SLC2A9: variants seen among roughly 807,000 people sequenced by gnomAD.
SLC2A9 encodes solute carrier family 2, facilitated glucose transporter member 9.
In SLC2A9, 39 loss-of-function variants were observed where a neutral mutation model predicts 50.6. That is an observed-to-expected ratio of 0.77 (90% CI 0.60 to 1.01). The LOEUF (loss-of-function observed/expected upper bound fraction) is 1.01, where lower values mean the gene tolerates loss of function less well. SLC2A9 is among the 50% of genes least tolerant of loss of function. The pLI is 0.00. For missense variants in SLC2A9, 686 were observed against 677.6 expected, an observed-to-expected ratio of 1.01 and a Z score of -0.14; for synonymous variants, 324 against 276.9, an observed-to-expected ratio of 1.17 and a Z score of -1.69.
intron 6 of SLC2A9, among the ~76,000 whole-genome samples, chr4:9,927,148 G>T (rs1246906053): frequency 6.6e-6 from 1 of 151,332 alleles, no homozygotes; most frequent in South Asian, 2.1e-4. Context: ...TTCTGCCTCA[G>T]CCTCCCAAGT....
intron 3 of SLC2A9, among the ~76,000 whole-genome samples, chr4:9,991,462 G>T (rs1446459000): frequency 6.6e-6 from 1 of 152,154 alleles, no homozygotes; most frequent in Non-Finnish European, 1.5e-5. Flanking sequence ...TACAATGATT[G>T]GAAGGAGAAT....
chr4:9,997,006 T>C lies in SLC2A9; in HGVS notation c.250-65A>G, dbSNP rs1466998693. ...TCTCCTGCTGCTTGAAGCAAGCCAGTGTACAAAACAAAACAGCTTGTACAG... is the reference window on the plus strand; with the variant it reads ...TCTCCTGCTGCTTGAAGCAAGCCAGCGTACAAAACAAAACAGCTTGTACAG... On this transcript the variant is annotated intron_variant, in intron 2 of 11. Transcript: ENST00000264784. The C allele has an allele frequency of 8.2e-6, 13 of 1,591,250 alleles. No homozygotes were observed. In the East Asian group the frequency reaches 1.8e-4, roughly 22 times the overall value.
At chr4:9,775,033 C>T (rs189317574), downstream of SLC2A9, among the ~76,000 whole-genome samples, 60 of 152,286 alleles carry the variant, frequency 3.9e-4, no homozygotes, top group African/African-American at 1.3e-3. Flanking sequence ...CGGTGGACCA[C>T]TGAGGCCAGA....
chr4:9,835,129 T>G, intron 10 of SLC2A9, 121 bp from the exon 11 acceptor site: 1 of 1,409,190 alleles, frequency 7.1e-7, no homozygotes, highest in Non-Finnish European at 9.9e-7. Flanking sequence ...GGATGTGTAG[T>G]GGGCCCCAGT....
At chr4:10,023,761 A>G (rs1449373147), upstream of SLC2A9, among the ~76,000 whole-genome samples, 2 of 148,370 alleles carry the variant, frequency 1.3e-5, no homozygotes, top group Non-Finnish European at 2.9e-5. Flanking sequence ...CACCTTCATG[A>G]TATCGTTTAG....
At chr4:9,968,008 A>G (rs947728946) in intron 5 of SLC2A9, among the ~76,000 whole-genome samples, 3 of 152,134 alleles carry the variant, frequency 2.0e-5, no homozygotes, top group Admixed American at 2.0e-4. Context: ...CCAATACAAA[A>G]CTAAAAATTT....
intron 5 of SLC2A9, among the ~76,000 whole-genome samples, chr4:9,959,194 G>A (rs1751822084): frequency 6.7e-6 from 1 of 148,248 alleles, no homozygotes; most frequent in African/African-American, 2.5e-5. Flanking sequence ...AATCTCTTTA[G>A]TGAGATTTAG....
intron 6 of SLC2A9, among the ~76,000 whole-genome samples, chr4:9,929,115 C>T (rs1745426127): frequency 6.6e-6 from 1 of 152,236 alleles, no homozygotes; most frequent in Non-Finnish European, 1.5e-5. Flanking sequence ...TAACATTGGT[C>T]ACCACTTGCT....
intron 10 of SLC2A9, among the ~76,000 whole-genome samples, chr4:9,862,304 C>G (rs1054553213): frequency 6.6e-6 from 1 of 152,014 alleles, no homozygotes; most frequent in Non-Finnish European, 1.5e-5. Flanking sequence ...TATTTGTTTT[C>G]CCCCAAGTTG....
At chr4:9,838,112 A>C (rs976864314) in intron 10 of SLC2A9, among the ~76,000 whole-genome samples, 2 of 152,190 alleles carry the variant, frequency 1.3e-5, no homozygotes, top group Admixed American at 1.3e-4. Context: ...ATAATAATCA[A>C]GACTCCTCTC....
intron 5 of SLC2A9, 22 bp downstream of exon 5, chr4:9,980,570 T>C (rs1389950204): frequency 3.7e-6 from 6 of 1,613,922 alleles, no homozygotes; most frequent in South Asian, 3.3e-5. Flanking sequence ...GCAGATGCGG[T>C]TGACCAGGGA....
At chr4:10,007,013 T>C (rs548193691) in intron 2 of SLC2A9, among the ~76,000 whole-genome samples, 60 of 151,998 alleles carry the variant, frequency 3.9e-4, no homozygotes, top group Non-Finnish European at 8.2e-4. Context: ...GCTAGAAGAG[T>C]TCTTTGGAGC....
At chr4:9,912,723 GAAC>G (rs1274756192) in intron 7 of SLC2A9, among the ~76,000 whole-genome samples, 3 of 152,232 alleles carry the variant, frequency 2.0e-5, no homozygotes, top group Non-Finnish European at 4.4e-5. Flanking sequence ...GTGGTGAGCA[GAAC>G]AACAGCCCCC....
intron 3 of SLC2A9, among the ~76,000 whole-genome samples, chr4:9,793,220 A>T (rs181755864): frequency 6.6e-4 from 100 of 152,326 alleles, no homozygotes; most frequent in East Asian, 4.8e-3. Flanking sequence ...GCAAATTTGA[A>T]ATCTGGCTAG....
Position 9,890,721 on chromosome 4 carries a change from G to A in SLC2A9, c.1114-10C>T, listed in dbSNP as rs745399263. On this transcript the variant is annotated splice_polypyrimidine_tract_variant and intron_variant, in intron 8 of 11. Coordinates refer to ENST00000264784, the MANE Select transcript of SLC2A9 (RefSeq NM_020041.3). ...GCTCAATGACCAAACCCTAGTCCAG[G>A]GTAAAAGAGAGAGAGAGAGCTATTA... 1 of 1,609,678 alleles carries A rather than the reference G, an allele frequency of 6.2e-7. No individual in the cohort carries two copies.
Position 9,922,805 on chromosome 4 carries a change from C to T in SLC2A9, c.815-2233G>A, listed in dbSNP as rs535692740. ...CATTGAAACTTCTGCTCTCCTAACT[C>T]GTTCTCAGACCTGCTTCCAGGAGAA... On this transcript the variant is annotated intron_variant, in intron 6 of 11. Coordinates refer to ENST00000264784, the MANE Select transcript of SLC2A9 (RefSeq NM_020041.3). 5 of 152,500 alleles carry T rather than the reference C, an allele frequency of 3.3e-5. No individual in the cohort carries two copies. The South Asian group carries it at 1.0e-3, about 32-fold the overall frequency. The allele number at this position is 152,500 out of a possible 1,614,324, so 9.4% of individuals were successfully genotyped here. A position where few individuals can be genotyped will look rare whatever the true frequency, so the allele number is the denominator to read the frequency against.
chr4:9,949,335 T>A (rs1240674132), intron 5 of SLC2A9, among the ~76,000 whole-genome samples: 1 of 152,202 alleles, frequency 6.6e-6, no homozygotes, highest in Non-Finnish European at 1.5e-5. Context: ...ATGCTCCAGC[T>A]AGATACAGAA....
intron 5 of SLC2A9, among the ~76,000 whole-genome samples, chr4:9,943,743 T>C (rs977924439): frequency 6.6e-6 from 1 of 152,148 alleles, no homozygotes; most frequent in Non-Finnish European, 1.5e-5. Context: ...CTGTGTGTGG[T>C]GGTGTTGATT....
At chr4:9,791,754 C>T (rs1057290125) in intron 3 of SLC2A9, among the ~76,000 whole-genome samples, 3 of 152,098 alleles carry the variant, frequency 2.0e-5, no homozygotes, top group African/African-American at 7.2e-5. Context: ...CTCAGTTGAG[C>T]CTTCAGATGA....
Sources: gnomAD v4.1 joint callset for allele counts (sites outside exome capture counted in the v4.1 genomes callset) on GRCh38, gnomAD v4.1.1 for gene constraint, MANE v1.5 for transcripts, NCBI Gene and HGNC (gene_info 2026-07-23, HGNC 2026-07-21) for gene names.